Variants in ERAP1 observed in about 807,000 individuals in gnomAD.
The protein encoded by ERAP1 is adipocyte-derived leucine aminopeptidase.
A neutral mutation model predicts 103.7 loss-of-function variants in ERAP1; 86 were observed. That is an observed-to-expected ratio of 0.83 (90% CI 0.70 to 0.99). The LOEUF is 0.99. Among genes scored for constraint, ERAP1 ranks in the 50% least tolerant of loss-of-function variants. The probability of loss-of-function intolerance (pLI) is 0.00; values close to 1 mark genes in which losing one functional copy is unlikely to be tolerated. For synonymous variants in ERAP1, 398 were observed against 402.4 expected (o/e 0.99, Z 0.13); for missense variants, 1,009 against 1,128.4 (o/e 0.89, Z 1.52).
At chr5:96,886,898 C>T in the ERAP1 span, 1 of 1,061,096 alleles carries the variant, frequency 9.4e-7, no homozygotes, top group Non-Finnish European at 1.2e-6. Context: ...GTTTATATTA[C>T]AAGAAGAGAT....
downstream of ERAP1, chr5:96,770,378 G>T: frequency 1.7e-6 from 1 of 588,038 alleles, no homozygotes; most frequent in Non-Finnish European, 3.1e-6. Context: ...TGACACCGTT[G>T]TTCAAAAAAA....
the ERAP1 span, among the ~76,000 whole-genome samples, chr5:96,925,873 T>C: frequency 6.6e-6 from 1 of 151,764 alleles, no homozygotes; most frequent in Non-Finnish European, 1.5e-5. Context: ...CAAACTTGCT[T>C]GAGCAATGGT....
the ERAP1 span, among the ~76,000 whole-genome samples, chr5:96,842,625 T>G: frequency 6.6e-6 from 1 of 152,230 alleles, no homozygotes; most frequent in African/African-American, 2.4e-5. Context: ...TGCCCACTTT[T>G]TGATGGGATT....
intron 14 of ERAP1, among the ~76,000 whole-genome samples, chr5:96,783,528 G>C (rs1355189695): frequency 6.6e-6 from 1 of 152,138 alleles, no homozygotes; most frequent in Admixed American, 6.5e-5. Context: ...TAAATTTTGA[G>C]AGCAAATTAT....
At chr5:96,891,588 C>A in the ERAP1 span, among the ~76,000 whole-genome samples, 1 of 151,178 alleles carries the variant, frequency 6.6e-6, no homozygotes, top group African/African-American at 2.4e-5. Context: ...CACACACACA[C>A]ACACACGTAA....
chr5:96,818,684 A>C, the ERAP1 span, among the ~76,000 whole-genome samples: 1 of 152,116 alleles, frequency 6.6e-6, no homozygotes, highest in East Asian at 1.9e-4. Context: ...TCCCTCTTGG[A>C]TAAAGATAGT....
the ERAP1 span, among the ~76,000 whole-genome samples, chr5:96,872,349 A>AAAAAG: frequency 6.6e-6 from 1 of 151,902 alleles, no homozygotes; most frequent in Non-Finnish European, 1.5e-5. Context: ...AAAAAAAAAA[A>AAAAAG]AAAGGAAGAA....
chr5:96,889,997 T>C, the ERAP1 span, among the ~76,000 whole-genome samples: 1 of 152,170 alleles, frequency 6.6e-6, no homozygotes, highest in African/African-American at 2.4e-5. Flanking sequence ...CCATCCGTTA[T>C]CTGTGTTGGG....
At chr5:96,836,579 T>C in the ERAP1 span, among the ~76,000 whole-genome samples, 1 of 152,242 alleles carries the variant, frequency 6.6e-6, no homozygotes, top group South Asian at 2.1e-4. Flanking sequence ...GATAGGTCAC[T>C]ATGTGATTTT....
chr5:96,833,993 C>T, the ERAP1 span, among the ~76,000 whole-genome samples: 122 of 152,090 alleles, frequency 8.0e-4, no homozygotes, highest in African/African-American at 2.8e-3. Flanking sequence ...AAATGCATGC[C>T]AGTTGAAGTA....
chr5:96,874,103 A>G, the ERAP1 span, among the ~76,000 whole-genome samples: 2 of 151,022 alleles, frequency 1.3e-5, no homozygotes, highest in African/African-American at 4.9e-5. Flanking sequence ...AGAAAAGAAA[A>G]AAAAAAGAAG....
chr5:96,797,889 C>G (rs26616), intron 3 of ERAP1, among the ~76,000 whole-genome samples: 33,863 of 151,946 alleles, frequency 0.22, 3,832 homozygotes, highest in East Asian at 0.27. Flanking sequence ...TGAGTTTTGC[C>G]AAGATGTGGC....
chr5:96,824,205 C>A, the ERAP1 span, among the ~76,000 whole-genome samples: 1 of 152,196 alleles, frequency 6.6e-6, no homozygotes, highest in Non-Finnish European at 1.5e-5. Flanking sequence ...AGGGTGGACT[C>A]CTGTATTCAC....
downstream of ERAP1, chr5:96,774,038 T>G (rs1305941593): frequency 6.6e-6 from 1 of 152,372 alleles, no homozygotes; most frequent in Admixed American, 6.5e-5. Flanking sequence ...TATGTCTCTA[T>G]CCATCAGAAA....
At chr5:96,847,548 A>G in the ERAP1 span, among the ~76,000 whole-genome samples, 5 of 152,188 alleles carry the variant, frequency 3.3e-5, no homozygotes, top group African/African-American at 1.2e-4. Flanking sequence ...CACATAAAAC[A>G]TTTCCCAAGA....
intron 18 of ERAP1, 48 bp from the exon 19 acceptor site, chr5:96,776,599 T>C: frequency 6.2e-7 from 1 of 1,600,042 alleles, no homozygotes; most frequent in Non-Finnish European, 8.5e-7. Flanking sequence ...ATCACATTAA[T>C]CAGATGTAAC....
At chr5:96,781,599 A>AT in intron 16 of ERAP1, 94 bp downstream of exon 16, 1 of 1,528,966 alleles carries the variant, frequency 6.5e-7, no homozygotes. Flanking sequence ...AGGATAGGCA[A>AT]TTCCTGGCCA....
At chr5:96,859,291 A>C in the ERAP1 span, among the ~76,000 whole-genome samples, 5,772 of 149,444 alleles carry the variant, frequency 0.039, 206 homozygotes, top group East Asian at 0.12. Flanking sequence ...CTGCCAAAAA[A>C]CCCCCCTGGA....
the ERAP1 span, chr5:96,879,833 C>A: frequency 2.5e-6 from 4 of 1,614,106 alleles, no homozygotes; most frequent in Admixed American, 6.7e-5. Context: ...CACTGAGGAT[C>A]CTGGGGCTTT....
Sources: allele counts gnomAD v4.1 joint callset (sites outside exome capture counted in the v4.1 genomes callset), GRCh38; gene constraint gnomAD v4.1.1; transcripts MANE v1.5; gene names NCBI Gene and HGNC (gene_info 2026-07-23, HGNC 2026-07-21).